Variants in PAX5 observed in about 807,000 individuals in gnomAD.
PAX5 encodes paired box 5.
A neutral mutation model predicts 43.7 loss-of-function variants in PAX5; 9 were observed. That is an observed-to-expected ratio of 0.21 (90% CI 0.12 to 0.36). PAX5 has a LOEUF of 0.36. PAX5 is among the 10% of genes least tolerant of loss of function. PAX5 has a pLI of 1.00. For missense variants in PAX5, 383 were observed against 532.7 expected (o/e 0.72, Z 2.77); for synonymous variants, 228 against 214.3 (o/e 1.06, Z -0.56).
intron 7 of PAX5, among the ~76,000 whole-genome samples, chr9:36,883,512 T>A (rs571635864): frequency 6.6e-6 from 1 of 151,736 alleles, no homozygotes; most frequent in Non-Finnish European, 1.5e-5. Flanking sequence ...AAAAAATATA[T>A]ATATATAAAT....
Position 37,031,989 on chromosome 9 carries a change from C to T in PAX5, c.46+1997G>A, listed in dbSNP as rs1463442842. Among the ~76,000 whole-genome samples the T allele has an allele frequency of 3.3e-5, 5 of 152,326 alleles. No individual in the cohort carries two copies. The East Asian group carries it at 9.7e-4, about 29-fold the overall frequency. On this transcript the variant is annotated intron_variant, in intron 1 of 9. Transcript: ENST00000358127. The stretch of plus-strand genomic sequence containing the variant: ...ACCAGCTTGGACAGCTTCTCAGCTT[C>T]CCTCTCTTCTCCAGCCCTGACCCAG...
chr9:37,028,015 G>T (rs1840610687), intron 1 of PAX5, among the ~76,000 whole-genome samples: 2 of 152,246 alleles, frequency 1.3e-5, no homozygotes, highest in Admixed American at 6.5e-5. Flanking sequence ...CGGGTCCCAC[G>T]CGGGCTGGAC....
chr9:37,013,335 A>T (rs1000211641), intron 3 of PAX5, among the ~76,000 whole-genome samples: 1 of 151,742 alleles, frequency 6.6e-6, no homozygotes, highest in African/African-American at 2.4e-5. Flanking sequence ...TTCCCTCATT[A>T]CCTTATCTGC....
chr9:36,934,615 CA>C (rs1244355882), intron 6 of PAX5, among the ~76,000 whole-genome samples: 1 of 152,154 alleles, frequency 6.6e-6, no homozygotes, highest in Non-Finnish European at 1.5e-5. Flanking sequence ...AAAGTGCTAC[CA>C]TTAATATTAA....
At chr9:36,973,039 GAAGA>G (rs748790926) in intron 5 of PAX5, among the ~76,000 whole-genome samples, 32 of 117,898 alleles carry the variant, frequency 2.7e-4, no homozygotes, top group Admixed American at 9.7e-4. Flanking sequence ...AAAAAAAAAA[GAAGA>G]AAGAAAGAAA....
At chr9:36,937,827 G>A (rs1459186074) in intron 6 of PAX5, among the ~76,000 whole-genome samples, 2 of 152,158 alleles carry the variant, frequency 1.3e-5, no homozygotes, top group Non-Finnish European at 2.9e-5. Context: ...CAACTCAGAG[G>A]ACAGCAGGGC....
intron 7 of PAX5, among the ~76,000 whole-genome samples, chr9:36,899,796 C>A (rs1308734560): frequency 6.6e-6 from 1 of 150,900 alleles, no homozygotes; most frequent in East Asian, 1.9e-4. Context: ...CCTGATCCAG[C>A]CTCCTCTCCT....
intron 9 of PAX5, 58 bp downstream of exon 9, chr9:36,846,785 G>A (rs2131590258): frequency 7.9e-7 from 1 of 1,260,398 alleles, no homozygotes; most frequent in South Asian, 1.2e-5. Flanking sequence ...CCAGTGAGGA[G>A]GCCTGGATGG....
In PAX5 at chr9:36,966,561, G is replaced by C. The variant is rs1834454737; in HGVS notation, c.768C>G (p.Ile256Met). 5.0e-6 allele frequency: 8 copies of C among 1,614,028 alleles called. No homozygotes were observed. Among genetic ancestry groups the C allele is most frequent in the Non-Finnish European group, 6.8e-6 (8 of 1,179,932 alleles). ...YSDIFTTTEP[I>M]KPEQTTEYSA... Reference sequence around the variant, plus strand: ...TCACGAGGCGTACCTGCTCGGGCTTGATGGGCTCTGTGGTGGTGAAGATGT... The same window carrying C: ...TCACGAGGCGTACCTGCTCGGGCTTCATGGGCTCTGTGGTGGTGAAGATGT... Residue 256 changes from isoleucine to methionine, a missense_variant, in exon 6 of 10, where the codon ATC becomes ATG. By Grantham distance (10) the Ile-to-Met change is conservative (BLOSUM62 1). Around this residue, in one of 5 missense-constraint regions of PAX5, gnomAD observed 291 missense variants for 342.5 expected, o/e 0.85. Coordinates refer to ENST00000358127, the MANE Select transcript of PAX5 (RefSeq NM_016734.3).
At chr9:36,876,802 C>A (rs1477430922) in intron 8 of PAX5, among the ~76,000 whole-genome samples, 1 of 152,188 alleles carries the variant, frequency 6.6e-6, no homozygotes, top group Non-Finnish European at 1.5e-5. Context: ...TAGAGAAGAC[C>A]AGAAGCTATG....
intron 5 of PAX5, 126 bp downstream of exon 5, chr9:37,002,522 C>T (rs1837973892): frequency 2.6e-5 from 26 of 987,834 alleles, no homozygotes; most frequent in Non-Finnish European, 3.7e-5. Context: ...GCGTGCGGGC[C>T]GGGGGACTCG....
At chr9:37,026,853 GC>G in intron 1 of PAX5, 1 of 377,350 alleles carries the variant, frequency 2.7e-6, no homozygotes, top group Non-Finnish European at 3.6e-6. Flanking sequence ...GCAGCTCCGG[GC>G]CCAGCCCGGG....
At chr9:36,983,563 A>C (rs549608061) in intron 5 of PAX5, among the ~76,000 whole-genome samples, 1 of 152,344 alleles carries the variant, frequency 6.6e-6, no homozygotes, top group African/African-American at 2.4e-5. Context: ...TTAGGATAGC[A>C]AAGGAAGCGC....
chr9:36,973,930 G>A (rs779539063), intron 5 of PAX5, among the ~76,000 whole-genome samples: 71 of 152,328 alleles, frequency 4.7e-4, no homozygotes, highest in Admixed American at 1.3e-3. Context: ...AACGTAGGAG[G>A]CGGAGGTTGT....
chr9:36,997,219 C>T (rs1285195229), intron 5 of PAX5, among the ~76,000 whole-genome samples: 1 of 152,164 alleles, frequency 6.6e-6, no homozygotes, highest in Non-Finnish European at 1.5e-5. Flanking sequence ...CTGTGCCCTC[C>T]TTAGAAGGTA....
chr9:36,893,984 G>T (rs1041295906), intron 7 of PAX5, among the ~76,000 whole-genome samples: 1 of 152,136 alleles, frequency 6.6e-6, no homozygotes, highest in Admixed American at 6.5e-5. Flanking sequence ...TGTCCATCTG[G>T]GTCCAGAGTG....
intron 6 of PAX5, among the ~76,000 whole-genome samples, chr9:36,924,734 TGGAA>T (rs772116401): frequency 0.23 from 14,228 of 60,926 alleles, 1,919 homozygotes; most frequent in Non-Finnish European, 0.26. Context: ...AAGAAAGAGG[TGGAA>T]GGAAGGAAGG....
rs1287698837 is a variant in PAX5 at position 36,837,139 on chromosome 9, G to C, written c.*3421C>G. On this transcript the variant is annotated 3_prime_UTR_variant, in exon 10 of 10. Transcript: ENST00000358127. ...TAAGCCATACACTCCCATGACAGGA[G>C]CACAACTCGGTGGAGAGAGAATGGG... The C allele has an allele frequency of 1.7e-5, 4 of 233,052 alleles. 1 individual carries two copies. Among genetic ancestry groups the C allele is most frequent in the African/African-American group, 2.2e-5 (1 of 45,322 alleles). The allele number at this position is 233,052 out of a possible 1,614,324, so 14.4% of individuals were successfully genotyped here. A position where few individuals can be genotyped will look rare whatever the true frequency, so the allele number is the denominator to read the frequency against.
chr9:36,862,796 G>A (rs1020044822), intron 8 of PAX5, among the ~76,000 whole-genome samples: 2 of 152,150 alleles, frequency 1.3e-5, no homozygotes, highest in Admixed American at 6.5e-5. Context: ...GGGAGCAGGT[G>A]GTCCTCCAAT....
Sources: allele counts gnomAD v4.1 joint callset (sites outside exome capture counted in the v4.1 genomes callset), GRCh38; gene constraint gnomAD v4.1.1; regional missense constraint gnomAD v4.1.1; transcripts MANE v1.5; gene names NCBI Gene and HGNC (gene_info 2026-07-23, HGNC 2026-07-21).